POLR1A: variants seen among roughly 807,000 people sequenced by gnomAD.
The protein encoded by POLR1A is DNA-directed RNA polymerase I subunit RPA1.
A neutral mutation model predicts 205.3 loss-of-function variants in POLR1A; 84 were observed. The observed-to-expected ratio is 0.41, with a 90% CI of 0.34 to 0.49. The LOEUF is 0.49. Among genes scored for constraint, POLR1A ranks in the 20% least tolerant of loss-of-function variants. The probability of loss-of-function intolerance (pLI) is 0.22; values close to 1 mark genes in which losing one functional copy is unlikely to be tolerated. For missense variants in POLR1A, 1,645 were observed against 2,204.5 expected, an observed-to-expected ratio of 0.75 and a Z score of 5.08; for synonymous variants, 799 against 863.7, an observed-to-expected ratio of 0.93 and a Z score of 1.31.
At chr2:86,099,568 A>G (rs1312099083) in intron 2 of POLR1A, among the ~76,000 whole-genome samples, 1 of 151,986 alleles carries the variant, frequency 6.6e-6, no homozygotes, top group Non-Finnish European at 1.5e-5. Flanking sequence ...TCCTGCCACC[A>G]CACAAGTGCC....
At chr2:86,031,893 G>A (rs1020309674) in intron 29 of POLR1A, among the ~76,000 whole-genome samples, 17 of 152,190 alleles carry the variant, frequency 1.1e-4, no homozygotes, top group Admixed American at 1.3e-4. Context: ...TGGTGTACCT[G>A]CTCACCGGTA....
At chr2:86,101,109 T>C (rs1673812696) in intron 1 of POLR1A, among the ~76,000 whole-genome samples, 1 of 152,226 alleles carries the variant, frequency 6.6e-6, no homozygotes, top group South Asian at 2.1e-4. Flanking sequence ...AAAGGTTTCA[T>C]CACATTTTAT....
chr2:86,099,909 G>T, intron 2 of POLR1A, 59 bp downstream of exon 2: 2 of 1,380,800 alleles, frequency 1.4e-6, no homozygotes, highest in Non-Finnish European at 2.1e-6. Flanking sequence ...TGGGAGAGAG[G>T]CAGCACTCAC....
Position 86,098,619 on chromosome 2 carries a change from G to T in POLR1A, c.424C>A (p.Leu142Met). 1 of 1,613,464 alleles carries T rather than the reference G, an allele frequency of 6.2e-7. No individual in the cohort carries two copies. Among genetic ancestry groups the T allele is most frequent in the Admixed American group, 1.7e-5 (1 of 59,820 alleles). ...LQAVYELERI[L>M]NRFLEENPDP... is the part of the protein sequence containing the mutation. ...CACCACTACCCACCTACCCTGTTCAGAATTCTCTCAAGCTCGTAGACTGCT... is the reference window on the plus strand; with the variant it reads ...CACCACTACCCACCTACCCTGTTCATAATTCTCTCAAGCTCGTAGACTGCT... The change falls in exon 3 of 34, where the codon CTG becomes ATG. Residue 142 changes from leucine to methionine, a missense_variant. Transcript: ENST00000263857.
In POLR1A at chr2:86,031,647, G is replaced by A. The variant is rs1399398459; in HGVS notation, c.4273-12C>T. On this transcript the variant is annotated splice_polypyrimidine_tract_variant and intron_variant, in intron 29 of 33. Transcript: ENST00000263857. ...CTCTCATAATCAACCTGGCAGAAAAGGGAGCACAGGCTGTGTCACTTGGGG... is the reference window on the plus strand; with the variant it reads ...CTCTCATAATCAACCTGGCAGAAAAAGGAGCACAGGCTGTGTCACTTGGGG... 1 of 1,601,292 alleles carries A rather than the reference G, an allele frequency of 6.2e-7. No individual in the cohort carries two copies. The highest frequency in any genetic ancestry group is 2.2e-5 in the East Asian group (1 of 44,768).
In POLR1A at chr2:86,057,424, T is replaced by C. The variant is rs555162989; in HGVS notation, c.2059-3135A>G. On this transcript the variant is annotated intron_variant, in intron 14 of 33. Coordinates refer to ENST00000263857, the MANE Select transcript of POLR1A (RefSeq NM_015425.6). The stretch of plus-strand genomic sequence containing the variant: ...GCAAGTTCCTCAGAAAAGTTGAATA[T>C]AGAATTACTATATGATGCAGCAATT... 7.9e-5 allele frequency among the ~76,000 whole-genome samples: 12 copies of C among 152,348 alleles called. No homozygotes were observed. In the East Asian group the frequency reaches 1.7e-3, roughly 22 times the overall value.
Position 86,047,202 on chromosome 2 carries a change from T to G in POLR1A, c.2696A>C (p.Gln899Pro). ...CACAGTTGAACCTTTGGCTCCCGAC[T>G]GCACCATCATCTGCAGGCTGTTCTC... ...FPENSLQMMV[Q>P]SGAKGSTVNT... The change falls in exon 19 of 34, where the codon CAG (glutamine) becomes CCG (proline). Residue 899 changes from glutamine (Q) to proline (P), a missense_variant. Gln to Pro is a moderately conservative substitution (Grantham distance 76). Around this residue, in one of 16 missense-constraint regions of POLR1A, gnomAD observed 339 missense variants for 415.1 expected, o/e 0.82. Transcript: ENST00000263857. 1 of 1,614,188 alleles carries G rather than the reference T, an allele frequency of 6.2e-7. No individual in the cohort carries two copies. The highest frequency in any genetic ancestry group is 8.5e-7 in the Non-Finnish European group (1 of 1,180,008).
chr2:86,081,264 T>C (rs1035402320), intron 8 of POLR1A, among the ~76,000 whole-genome samples: 11 of 152,010 alleles, frequency 7.2e-5, no homozygotes, highest in African/African-American at 2.7e-4. Context: ...GGTGTGGTGG[T>C]GCGTGCCTGT....
intron 26 of POLR1A, 115 bp downstream of exon 26, chr2:86,039,212 T>C: frequency 6.1e-6 from 7 of 1,152,234 alleles, no homozygotes; most frequent in Non-Finnish European, 8.7e-6. Flanking sequence ...TATCTCTCAT[T>C]GGTGGGAATC....
At chr2:86,044,102 C>A (rs745395165) in intron 22 of POLR1A, 37 bp downstream of exon 22, 2 of 1,605,854 alleles carry the variant, frequency 1.2e-6, no homozygotes, top group Non-Finnish European at 1.7e-6. Flanking sequence ...GGGAGGCCTA[C>A]TGCTCGGCCC....
intron 14 of POLR1A, among the ~76,000 whole-genome samples, chr2:86,064,134 T>C (rs1279529761): frequency 1.3e-5 from 2 of 152,240 alleles, no homozygotes; most frequent in African/African-American, 4.8e-5. Flanking sequence ...GGTGAGATTT[T>C]TTAGTGTGTC....
chr2:86,049,028 T>C lies in POLR1A; in HGVS notation c.2490A>G (p.Ala830=). ...ATGATGCGGCTTCTGGCAGGTTTAA[T>C]GCAGCCCTGACAGCCTAGAATGAGA... is the stretch of plus-strand genomic sequence containing the variant. ...THCGPQAVRA[A]LNLPEAASYD... is the part of the protein sequence containing the mutation. The change falls in exon 18 of 34, where the codon GCA becomes GCG. Residue 830 remains alanine, a synonymous_variant. Transcript: ENST00000263857. 1.9e-6 allele frequency: 3 copies of C among 1,614,248 alleles called. No individual in the cohort carries two copies. The highest frequency in any genetic ancestry group is 1.1e-5 in the South Asian group (1 of 91,080).
Position 86,024,222 on chromosome 2 carries a change from A to G in POLR1A, c.*3201T>C. The stretch of plus-strand genomic sequence containing the variant: ...CTGACACATGCTACAGCATGGATGA[A>G]CCTTGAGGACATTATGCTAAGTGAA... On this transcript the variant is annotated 3_prime_UTR_variant, in exon 34 of 34. Coordinates refer to ENST00000263857, the MANE Select transcript of POLR1A (RefSeq NM_015425.6). 1 of 208,468 alleles carries G rather than the reference A, an allele frequency of 4.8e-6. No homozygotes were observed. Among genetic ancestry groups the G allele is most frequent in the Non-Finnish European group, 1.0e-5 (1 of 99,408 alleles). 12.9% of individuals were successfully genotyped at this position (208,468 alleles called of 1,614,324 possible). A position where few individuals can be genotyped will look rare whatever the true frequency, so the allele number is the denominator to read the frequency against.
chr2:86,077,697 G>A (rs1673313695), intron 11 of POLR1A, among the ~76,000 whole-genome samples, 162 bp downstream of exon 11: 1 of 152,080 alleles, frequency 6.6e-6, no homozygotes. Flanking sequence ...CCAGGAAGAG[G>A]CAGAAGCTAG....
At chr2:86,045,537 C>T in intron 20 of POLR1A, 80 bp downstream of exon 20, 1 of 1,440,736 alleles carries the variant, frequency 6.9e-7, no homozygotes. Flanking sequence ...TCTGCCCTAC[C>T]CTGTAGGGCA....
rs1672295898 is a variant in POLR1A, at chr2:86,027,786, A to G, written c.5062+99T>C. On this transcript the variant is annotated intron_variant, in intron 33 of 33. Coordinates refer to ENST00000263857, the MANE Select transcript of POLR1A (RefSeq NM_015425.6). ...CGCTCCCCTCAGATCCCAAGATCCCACTGGTGTGCAAGGAACCATGGAAAG... is the reference window on the plus strand; with the variant it reads ...CGCTCCCCTCAGATCCCAAGATCCCGCTGGTGTGCAAGGAACCATGGAAAG... 5.9e-6 allele frequency: 8 copies of G among 1,355,984 alleles called. No homozygotes were observed. The East Asian group carries it at 1.4e-4, about 23-fold the overall frequency. The allele number at this position is 1,355,984 out of a possible 1,614,324, so 84.0% of individuals were successfully genotyped here.
intron 3 of POLR1A, among the ~76,000 whole-genome samples, chr2:86,090,526 C>T (rs1214829269): frequency 6.6e-6 from 1 of 152,008 alleles, no homozygotes; most frequent in Non-Finnish European, 1.5e-5. Flanking sequence ...TCTGAAGAGC[C>T]GACAGGACAG....
chr2:86,105,673 G>A, intron 1 of POLR1A, 27 bp downstream of exon 1: 7 of 1,535,808 alleles, frequency 4.6e-6, no homozygotes, highest in Non-Finnish European at 5.4e-6. Flanking sequence ...GATCCAGGCT[G>A]GGCACGCTAC....
At chr2:86,072,176 A>G (rs927261872) in intron 12 of POLR1A, among the ~76,000 whole-genome samples, 4 of 152,242 alleles carry the variant, frequency 2.6e-5, no homozygotes, top group Non-Finnish European at 5.9e-5. Flanking sequence ...AAGCAATCTT[A>G]AAAGTACCTA....
Sources: gnomAD v4.1 joint callset for allele counts (sites outside exome capture counted in the v4.1 genomes callset) on GRCh38, gnomAD v4.1.1 for gene constraint, gnomAD v4.1.1 regional missense constraint, MANE v1.5 for transcripts, NCBI Gene and HGNC (gene_info 2026-07-23, HGNC 2026-07-21) for gene names.